The following PPFIA1 variants were observed in gnomAD, a reference collection of about 807,000 sequenced individuals.
The protein encoded by PPFIA1 is PPFI scaffold protein A1, also known as liprin-alpha-1.
A neutral mutation model predicts 149.9 loss-of-function variants in PPFIA1; 25 were observed. That is an observed-to-expected ratio of 0.17 (90% confidence interval 0.12 to 0.23). The LOEUF (loss-of-function observed/expected upper bound fraction) is 0.23. PPFIA1 is among the 10% of genes least tolerant of loss of function. The pLI, the probability that PPFIA1 is intolerant of heterozygous loss-of-function variation, is 1.00. For missense variants in PPFIA1, 1,362 were observed against 1,506.5 expected (o/e 0.90, Z 1.59); for synonymous variants, 549 against 552.8 (o/e 0.99, Z 0.10).
Position 70,378,110 on chromosome 11 carries a change from G to C in PPFIA1, c.3465G>C (p.Gly1155=), listed in dbSNP as rs770919807. 1.2e-6 allele frequency: 2 copies of C among 1,614,142 alleles called. No individual in the cohort carries two copies. Among genetic ancestry groups the C allele is most frequent in the Non-Finnish European group, 1.7e-6 (2 of 1,180,024 alleles). The change falls in exon 26 of 28, where the codon GGG becomes GGC. Residue 1155 remains glycine, a synonymous_variant. Coordinates refer to ENST00000253925, the MANE Select transcript of PPFIA1 (RefSeq NM_003626.5). ...RPKDIRGLAA[G]SAETLPANFR... ...AGGACATTCGTGGCTTAGCTGCTGG[G>C]TCAGCAGAGACTCTCCCTGCAAACT...
intron 10 of PPFIA1, 134 bp downstream of exon 10, chr11:70,333,687 G>C (rs2054806511): frequency 1.4e-6 from 1 of 708,826 alleles, no homozygotes; most frequent in African/African-American, 1.8e-5. Context: ...GCGTGCATTT[G>C]TTTTGCACCC....
intron 2 of PPFIA1, among the ~76,000 whole-genome samples, chr11:70,314,218 C>T (rs61887403): frequency 6.6e-6 from 1 of 152,114 alleles, no homozygotes; most frequent in Non-Finnish European, 1.5e-5. Context: ...CAGTCAGAGG[C>T]TACCCAGTAG....
rs779346245 is a variant in PPFIA1, at chr11:70,326,813, C to T, written c.925C>T (p.Arg309Cys). The T allele has an allele frequency of 1.6e-5, 26 of 1,612,006 alleles. No homozygotes were observed. In the Admixed American group the frequency reaches 2.0e-4, roughly 12 times the overall value. ...EMNTKLQRDV[R>C]EAMAQKEDME... ...GAACACAAAATTGCAACGAGATGTC[C>T]GTGAAGTGAGCAATAACAAAAACTA... Residue 309 changes from arginine to cysteine, a missense_variant, in exon 7 of 28, where the codon CGT becomes TGT. Physicochemically the swap from Arg to Cys is radical, Grantham distance 180. Coordinates refer to ENST00000253925, the MANE Select transcript of PPFIA1 (RefSeq NM_003626.5).
intron 19 of PPFIA1, 66 bp downstream of exon 19, chr11:70,356,320 G>GT (rs2056360441): frequency 1.6e-6 from 2 of 1,215,208 alleles, no homozygotes; most frequent in South Asian, 2.5e-5. Flanking sequence ...TCTAACTAGT[G>GT]TTTGTTAATT....
rs1051918305 is a variant in PPFIA1 at position 70,300,017 on chromosome 11, C to T, written c.265-24385C>T. On this transcript the variant is annotated intron_variant, in intron 2 of 27. Transcript: ENST00000253925. ...GGCTCCCTCCACCTACCCCACAGATCTCCCTCCATCAGTGCCAGCCATGCC... is the reference window on the plus strand; with the variant it reads ...GGCTCCCTCCACCTACCCCACAGATTTCCCTCCATCAGTGCCAGCCATGCC... Among the ~76,000 whole-genome samples the T allele has an allele frequency of 3.6e-5, 5 of 139,088 alleles. 1 individual carries two copies. The highest frequency in any genetic ancestry group is 1.6e-5 in the Non-Finnish European group (1 of 64,480). 91.2% of individuals were successfully genotyped at this position (139,088 alleles called of 152,430 possible). A position where few individuals can be genotyped will look rare whatever the true frequency, so the allele number is the denominator to read the frequency against.
Position 70,379,751 on chromosome 11 carries a change from A to G in PPFIA1, c.3550+1556A>G, listed in dbSNP as rs530868363. On this transcript the variant is annotated intron_variant, in intron 26 of 27. Coordinates refer to ENST00000253925, the MANE Select transcript of PPFIA1 (RefSeq NM_003626.5). ...AAAATAAAAAGAAAAGTACATTTAA[A>G]TAAAACCTTAGTTAAGCTGGACGCT... 3.9e-5 allele frequency among the ~76,000 whole-genome samples: 6 copies of G among 152,350 alleles called. No individual in the cohort carries two copies. In the South Asian group the frequency reaches 1.2e-3, roughly 32 times the overall value.
Position 70,311,224 on chromosome 11 carries a change from G to A in PPFIA1, c.265-13178G>A, listed in dbSNP as rs543839108. 4.6e-5 allele frequency among the ~76,000 whole-genome samples: 7 copies of A among 151,848 alleles called. No individual in the cohort carries two copies. The South Asian group carries it at 1.0e-3, about 23-fold the overall frequency. ...CTCCGGAGGCTGAGGCAGGAGAATC[G>A]CTGAACCTGGAAGGTGGAGGTTGTG... On this transcript the variant is annotated intron_variant, in intron 2 of 27. Transcript: ENST00000253925.
At chr11:70,295,613 T>A in intron 2 of PPFIA1, among the ~76,000 whole-genome samples, 1 of 121,520 alleles carries the variant, frequency 8.2e-6, no homozygotes, top group Admixed American at 8.5e-5. Context: ...GAGGGGCTCC[T>A]CACTTCCCAG....
In PPFIA1 at chr11:70,283,153, C is replaced by CT. The variant is rs556952303; in HGVS notation, c.264+10731dup. On this transcript the variant is annotated intron_variant, in intron 2 of 27. Coordinates refer to ENST00000253925, the MANE Select transcript of PPFIA1 (RefSeq NM_003626.5). ...TCATGCCTGACCGACTGACCGAGTG[C>CT]TTTTTTTTTTTTTTAAAGCAAATAT... Among the ~76,000 whole-genome samples, 804 of 142,472 alleles carry CT rather than the reference C, an allele frequency of 5.6e-3. 7 individuals are homozygous for CT. The highest frequency in any genetic ancestry group is 0.016 in the African/African-American group (632 of 38,976). The allele number at this position is 142,472 out of a possible 152,430, so 93.5% of individuals were successfully genotyped here. A position where few individuals can be genotyped will look rare whatever the true frequency, so the allele number is the denominator to read the frequency against.
intron 2 of PPFIA1, among the ~76,000 whole-genome samples, chr11:70,282,833 C>CTTTT (rs59308854): frequency 2.1e-4 from 15 of 71,870 alleles, no homozygotes; most frequent in South Asian, 5.6e-4. Flanking sequence ...CCGTGCCTGG[C>CTTTT]TTTTTTTTTT....
intron 2 of PPFIA1, chr11:70,278,974 CT>C: frequency 3.3e-6 from 2 of 604,956 alleles, no homozygotes; most frequent in Admixed American, 2.1e-5. Context: ...GGAATGACAC[CT>C]TTACCAGCAA....
intron 2 of PPFIA1, among the ~76,000 whole-genome samples, chr11:70,282,754 G>A (rs928116472): frequency 2.7e-5 from 4 of 150,398 alleles, no homozygotes; most frequent in Admixed American, 6.7e-5. Context: ...GAATGGTCGC[G>A]ATCTCCTGAC....
At chr11:70,378,303 C>T in intron 26 of PPFIA1, 108 bp downstream of exon 26, 1 of 1,407,204 alleles carries the variant, frequency 7.1e-7, no homozygotes, top group Non-Finnish European at 9.3e-7. Flanking sequence ...TTACAAGGCA[C>T]TTGAGTATGG....
At chr11:70,303,678 A>G (rs1371447869) in intron 2 of PPFIA1, among the ~76,000 whole-genome samples, 1 of 152,160 alleles carries the variant, frequency 6.6e-6, no homozygotes, top group East Asian at 1.9e-4. Flanking sequence ...GTGACTGGTG[A>G]CTGGCTACCC....
chr11:70,284,304 G>T (rs1040175739), intron 2 of PPFIA1, among the ~76,000 whole-genome samples: 3 of 152,298 alleles, frequency 2.0e-5, no homozygotes, highest in Non-Finnish European at 2.9e-5. Context: ...CGTCTTTGGT[G>T]TATGAAATAG....
chr11:70,327,996 T>C (rs1459155197), intron 7 of PPFIA1, among the ~76,000 whole-genome samples: 2 of 152,242 alleles, frequency 1.3e-5, no homozygotes, highest in Non-Finnish European at 2.9e-5. Context: ...GGTTCTATTC[T>C]TTGGCTACAG....
intron 2 of PPFIA1, chr11:70,320,344 A>G (rs1035587717): frequency 6.6e-6 from 1 of 152,278 alleles, no homozygotes; most frequent in African/African-American, 2.4e-5. Flanking sequence ...CGCAGGCTCC[A>G]AGCAGGCAGT....
At chr11:70,326,953 T>C (rs1291541377) in intron 7 of PPFIA1, 135 bp downstream of exon 7, 9 of 765,702 alleles carry the variant, frequency 1.2e-5, no homozygotes, top group South Asian at 9.3e-5. Flanking sequence ...ATAAGTTATA[T>C]TGAAAAAGAG....
At chr11:70,365,384 T>C (rs1228354009) in intron 21 of PPFIA1, 1 of 456,576 alleles carries the variant, frequency 2.2e-6, no homozygotes, top group Non-Finnish European at 4.4e-6. Flanking sequence ...CCACAGGAAA[T>C]GTCTGGTTAA....
Sources: allele counts gnomAD v4.1 joint callset (sites outside exome capture counted in the v4.1 genomes callset), GRCh38; gene constraint gnomAD v4.1.1; transcripts MANE v1.5; gene names NCBI Gene and HGNC (gene_info 2026-07-23, HGNC 2026-07-21).